Variants in CCDC88A observed in about 807,000 individuals in gnomAD.
CCDC88A encodes the protein girdin.
In CCDC88A, 54 loss-of-function variants were observed where a neutral mutation model predicts 234.3. The ratio of observed to expected loss-of-function variants is 0.23; its 90% confidence interval spans 0.19 to 0.29. The LOEUF (loss-of-function observed/expected upper bound fraction) is 0.29, where lower values mean the gene tolerates loss of function less well. Ranked by LOEUF, CCDC88A falls within the 10% of genes least tolerant of loss-of-function variation. The probability of loss-of-function intolerance (pLI) is 1.00; values close to 1 mark genes in which losing one functional copy is unlikely to be tolerated. For missense variants in CCDC88A, 1,832 were observed against 2,123.4 expected (o/e 0.86, Z 2.70); for synonymous variants, 753 against 737.8 (o/e 1.02, Z -0.33).
Position 55,377,661 on chromosome 2 carries a change from G to A in CCDC88A, c.274-2778C>T, listed in dbSNP as rs181667176. Among the ~76,000 whole-genome samples, 426 of 152,114 alleles carry A rather than the reference G, an allele frequency of 2.8e-3. 1 individual carries two copies. Among genetic ancestry groups the A allele is most frequent in the African/African-American group, 9.7e-3 (404 of 41,494 alleles). ...GTCTTGCTCTGTCGCCTAGGCTGGA[G>A]TGCAATGGCATCATCTCGGTTCAAT... On this transcript the variant is annotated intron_variant, in intron 3 of 32. Coordinates refer to ENST00000436346, the MANE Select transcript of CCDC88A (RefSeq NM_001365480.1).
intron 10 of CCDC88A, chr2:55,345,374 G>C (rs979778081): frequency 6.6e-6 from 1 of 152,070 alleles, no homozygotes; most frequent in Non-Finnish European, 1.5e-5. Flanking sequence ...AATTAACTGA[G>C]AAAGAAGATA....
chr2:55,387,344 C>T (rs1167277226), intron 3 of CCDC88A, among the ~76,000 whole-genome samples: 1 of 151,942 alleles, frequency 6.6e-6, no homozygotes, highest in Non-Finnish European at 1.5e-5. Context: ...AGTCATAGCA[C>T]TATTCCATAA....
At chr2:55,356,159 C>T (rs1051191229) in intron 7 of CCDC88A, 1 of 153,410 alleles carries the variant, frequency 6.5e-6, no homozygotes, top group Non-Finnish European at 1.5e-5. Context: ...GACCTGGCCT[C>T]CCCTGACAGG....
In CCDC88A at chr2:55,349,846, C is replaced by T. The variant is rs565389752; in HGVS notation, c.801-247G>A. On this transcript the variant is annotated intron_variant, in intron 8 of 32. Transcript: ENST00000436346. ...TCTCATAGTATGTAATACAGTTTTT[C>T]TCTTTCTCTCTTTTCATCTTTCCTG... 7.2e-4 allele frequency: 224 copies of T among 312,604 alleles called. 1 individual carries two copies. Among genetic ancestry groups the T allele is most frequent in the South Asian group, 4.3e-3 (45 of 10,366 alleles). The allele number at this position is 312,604 out of a possible 1,614,324, so 19.4% of individuals were successfully genotyped here. A position where few individuals can be genotyped will look rare whatever the true frequency, so the allele number is the denominator to read the frequency against.
At chr2:55,316,636 A>G (rs1404567111) in intron 21 of CCDC88A, among the ~76,000 whole-genome samples, 1 of 152,164 alleles carries the variant, frequency 6.6e-6, no homozygotes, top group Non-Finnish European at 1.5e-5. Context: ...CTGAGGGGCT[A>G]AGGTGGAAGG....
At chr2:55,320,455 G>T (rs1170203714) in intron 18 of CCDC88A, among the ~76,000 whole-genome samples, 2 of 152,042 alleles carry the variant, frequency 1.3e-5, no homozygotes, top group South Asian at 4.1e-4. Flanking sequence ...CTATTATATG[G>T]CTAACCGTCT....
At chr2:55,304,779 T>C (rs191352207) in intron 25 of CCDC88A, among the ~76,000 whole-genome samples, 5 of 152,322 alleles carry the variant, frequency 3.3e-5, no homozygotes, top group East Asian at 1.9e-4. Flanking sequence ...GATTTAACTA[T>C]AAAAATTATT....
chr2:55,336,413 C>T (rs946336651), intron 14 of CCDC88A, among the ~76,000 whole-genome samples: 1 of 151,968 alleles, frequency 6.6e-6, no homozygotes, highest in Non-Finnish European at 1.5e-5. Context: ...CCCTATTCCA[C>T]AGACACTTGA....
chr2:55,309,940 G>A lies in CCDC88A; in HGVS notation c.4080-686C>T, dbSNP rs1468335607. ...TATATAAAATGACTATATAATCCAA[G>A]GTAGTAGCAGTACCAAAATAAAATA... On this transcript the variant is annotated intron_variant, in intron 23 of 32. Transcript: ENST00000436346. The surrounding 1 kb of genome is among the most constrained non-coding windows in gnomAD (Gnocchi z 5.1). 6.6e-6 allele frequency among the ~76,000 whole-genome samples: 1 copy of A among 151,960 alleles called. No homozygotes were observed. The highest frequency in any genetic ancestry group is 1.5e-5 in the Non-Finnish European group (1 of 67,994).
chr2:55,311,740 C>T (rs1682374956), intron 23 of CCDC88A, among the ~76,000 whole-genome samples: 1 of 152,226 alleles, frequency 6.6e-6, no homozygotes, highest in Admixed American at 6.5e-5. Context: ...AGACTACCCA[C>T]TGGGCTGCAC....
At position 55,328,874 on chromosome 2, in the gene CCDC88A, G is replaced by T. The variant is rs915416580; in HGVS notation, c.2856-439C>A. The T allele has an allele frequency of 2.0e-5, 3 of 153,786 alleles. No homozygotes were observed. The highest frequency in any genetic ancestry group is 7.2e-5 in the African/African-American group (3 of 41,474). The allele number at this position is 153,786 out of a possible 1,614,324, so 9.5% of individuals were successfully genotyped here. On this transcript the variant is annotated intron_variant, in intron 16 of 32. Coordinates refer to ENST00000436346, the MANE Select transcript of CCDC88A (RefSeq NM_001365480.1). The surrounding 1 kb of genome is among the most constrained non-coding windows in gnomAD (Gnocchi z 4.3). The stretch of plus-strand genomic sequence containing the variant: ...CAACCTCCGCTTCCCGTGTTCAAGC[G>T]ATTCTCCTGCCTCAGCCTCCCTAGT...
intron 28 of CCDC88A, chr2:55,300,440 T>C (rs952369336): frequency 1.3e-5 from 2 of 152,614 alleles, no homozygotes; most frequent in African/African-American, 4.8e-5. Context: ...TATCCACTTA[T>C]TGCCAATAGT....
chr2:55,390,331 T>A (rs2104899638), intron 2 of CCDC88A, among the ~76,000 whole-genome samples: 1 of 152,256 alleles, frequency 6.6e-6, no homozygotes, highest in Middle Eastern at 3.4e-3. Flanking sequence ...ACCCTATGGA[T>A]CCCCAAAAGG....
chr2:55,366,961 C>T lies in CCDC88A; in HGVS notation c.403-2928G>A, dbSNP rs943609518. On this transcript the variant is annotated intron_variant, in intron 5 of 32. Coordinates refer to ENST00000436346, the MANE Select transcript of CCDC88A (RefSeq NM_001365480.1). ...AAACAGACATTTGTACACTCATGTT[C>T]ATAGCAACATTGTTTACAAGGGCCA... Among the ~76,000 whole-genome samples, 12 of 152,262 alleles carry T rather than the reference C, an allele frequency of 7.9e-5. 1 individual carries two copies. Among genetic ancestry groups the T allele is most frequent in the African/African-American group, 2.2e-4 (9 of 41,552 alleles).
intron 12 of CCDC88A, chr2:55,340,119 A>G (rs2104707441): frequency 6.6e-6 from 1 of 152,580 alleles, no homozygotes; most frequent in South Asian, 2.1e-4. Flanking sequence ...GCACCCAGCT[A>G]AGAGATACAT....
chr2:55,292,943 CTG>C (rs1429203698), intron 31 of CCDC88A: 2 of 151,684 alleles, frequency 1.3e-5, no homozygotes, highest in African/African-American at 4.8e-5. Context: ...GAAGTCCAGA[CTG>C]TATTTTCCAA....
chr2:55,419,385 A>C lies in CCDC88A; in HGVS notation c.-306T>G. On this transcript the variant is annotated 5_prime_UTR_variant, in exon 1 of 33. Coordinates refer to ENST00000436346, the MANE Select transcript of CCDC88A (RefSeq NM_001365480.1). Reference sequence around the variant, plus strand: ...GAGGAGGAAGGGAAAGGGGGCTGGAACCCAAGACAAAAAGCCCGTCAAGGT... The same window carrying C: ...GAGGAGGAAGGGAAAGGGGGCTGGACCCCAAGACAAAAAGCCCGTCAAGGT... 1 of 354,896 alleles carries C rather than the reference A, an allele frequency of 2.8e-6. No homozygotes were observed. Among genetic ancestry groups the C allele is most frequent in the South Asian group, 3.1e-5 (1 of 32,362 alleles). The allele number at this position is 354,896 out of a possible 1,614,324, so 22.0% of individuals were successfully genotyped here. A position where few individuals can be genotyped will look rare whatever the true frequency, so the allele number is the denominator to read the frequency against.
chr2:55,312,894 C>A, intron 22 of CCDC88A: 1 of 183,702 alleles, frequency 5.4e-6, no homozygotes, highest in Non-Finnish European at 1.1e-5. Context: ...AAGCTAGATT[C>A]AAATATCTAA....
chr2:55,310,521 C>A (rs1438884479), intron 23 of CCDC88A, among the ~76,000 whole-genome samples: 2 of 151,620 alleles, frequency 1.3e-5, no homozygotes, highest in South Asian at 2.1e-4. Flanking sequence ...GTGGAGTTTG[C>A]AGTGAGCTGA....
Sources: gnomAD v4.1 joint callset for allele counts (sites outside exome capture counted in the v4.1 genomes callset) on GRCh38, gnomAD v4.1.1 for gene constraint, Gnocchi (gnomAD v3.1) non-coding constraint, MANE v1.5 for transcripts, NCBI Gene and HGNC (gene_info 2026-07-23, HGNC 2026-07-21) for gene names.